The following DCBLD2 variants were observed in gnomAD, a reference collection of about 807,000 sequenced individuals.
DCBLD2 encodes discoidin, CUB and LCCL domain-containing protein 2.
A neutral mutation model predicts 86.8 loss-of-function variants in DCBLD2; 54 were observed. The observed-to-expected ratio is 0.62, with a 90% confidence interval of 0.50 to 0.78. The LOEUF (loss-of-function observed/expected upper bound fraction) is 0.78. DCBLD2 is among the 30% of genes least tolerant of loss of function. The pLI, the probability that DCBLD2 is intolerant of heterozygous loss-of-function variation, is 0.00. For missense variants in DCBLD2, 908 were observed against 954.2 expected, an observed-to-expected ratio of 0.95 and a Z score of 0.64; for synonymous variants, 354 against 341.3, an observed-to-expected ratio of 1.04 and a Z score of -0.41.
rs1422870066 is a variant in DCBLD2, at chr3:98,808,094, G to A, written c.1657C>T (p.His553Tyr). 1.2e-6 allele frequency: 2 copies of A among 1,600,684 alleles called. No individual in the cohort carries two copies. The highest frequency in any genetic ancestry group is 2.3e-5 in the South Asian group (2 of 88,330). The change falls in exon 13 of 16, where the codon CAC (histidine) becomes TAC (tyrosine). Residue 553 changes from histidine (H) to tyrosine (Y), a missense_variant. Physicochemically the swap from His to Tyr is moderately conservative, Grantham distance 83. Coordinates refer to ENST00000326840, the MANE Select transcript of DCBLD2 (RefSeq NM_080927.4). ...TLILILVCAW[H>Y]WRNRKKKTEG... The stretch of plus-strand genomic sequence containing the variant: ...TTATGTACTAACCTGTTTCTCCAGT[G>A]CCAAGCACACACTAATATGAGAATG...
At chr3:98,893,304 A>G (rs964870272) in intron 1 of DCBLD2, among the ~76,000 whole-genome samples, 2 of 152,016 alleles carry the variant, frequency 1.3e-5, no homozygotes, top group African/African-American at 4.8e-5. Context: ...ACTGGATGTC[A>G]AGTTCAACAA....
intron 8 of DCBLD2, 50 bp from the exon 9 acceptor site, chr3:98,817,943 A>G (rs746965579): frequency 6.3e-7 from 1 of 1,596,596 alleles, no homozygotes; most frequent in South Asian, 1.1e-5. Flanking sequence ...TGATTCCCTA[A>G]GTTTGTTCAG....
Position 98,799,177 on chromosome 3 carries a change from G to A in DCBLD2, c.*195C>T, listed in dbSNP as rs1941667896. On this transcript the variant is annotated 3_prime_UTR_variant, in exon 16 of 16. Coordinates refer to ENST00000326840, the MANE Select transcript of DCBLD2 (RefSeq NM_080927.4). ...ACAGGACATTTGAAATTTAACAGGC[G>A]AGCAGTAACTGTGCCACCATAACAC... 1 of 555,108 alleles carries A rather than the reference G, an allele frequency of 1.8e-6. No individual in the cohort carries two copies. Among genetic ancestry groups the A allele is most frequent in the South Asian group, 2.7e-5 (1 of 37,410 alleles). The allele number at this position is 555,108 out of a possible 1,614,324, so 34.4% of individuals were successfully genotyped here.
At chr3:98,889,075 T>C (rs1343204258) in intron 1 of DCBLD2, among the ~76,000 whole-genome samples, 1 of 151,922 alleles carries the variant, frequency 6.6e-6, no homozygotes, top group Non-Finnish European at 1.5e-5. Flanking sequence ...TCACGTCCAA[T>C]ACATTAACTA....
chr3:98,863,930 A>T (rs1943092771), intron 2 of DCBLD2, among the ~76,000 whole-genome samples: 1 of 152,054 alleles, frequency 6.6e-6, no homozygotes, highest in African/African-American at 2.4e-5. Flanking sequence ...AACCTACAGG[A>T]TGGGAGAAAA....
chr3:98,866,172 G>A (rs1438035373), intron 2 of DCBLD2, among the ~76,000 whole-genome samples: 43 of 151,888 alleles, frequency 2.8e-4, no homozygotes, highest in African/African-American at 9.2e-4. Flanking sequence ...ATAAACAGAC[G>A]TGTGCATGTG....
intron 2 of DCBLD2, among the ~76,000 whole-genome samples, chr3:98,864,707 G>T (rs2107503745): frequency 6.6e-6 from 1 of 152,118 alleles, no homozygotes; most frequent in East Asian, 1.9e-4. Context: ...CCTGTTGTGG[G>T]GTGGGTGGAG....
rs1363854635 is a variant in DCBLD2 at position 98,799,735 on chromosome 3, G to T, written c.1965C>A (p.Tyr655Ter). 6.2e-7 allele frequency: 1 copy of T among 1,613,968 alleles called. No homozygotes were observed. Among genetic ancestry groups the T allele is most frequent in the Non-Finnish European group, 8.5e-7 (1 of 1,179,870 alleles). Residue 655 changes from tyrosine (Y) to a stop codon, truncating the protein, a stop_gained, in exon 16 of 16, where the codon TAC (tyrosine) becomes TAA (stop). Transcript: ENST00000326840. LOFTEE classifies it high-confidence loss of function. ...GATAAACTTCCTGCCCTGGTGAGTTGTAAGGATCTAGGTCTGCATAGCCTG... is the reference window on the plus strand; with the variant it reads ...GATAAACTTCCTGCCCTGGTGAGTTTTAAGGATCTAGGTCTGCATAGCCTG... ...KEAGYADLDP[Y>*]NSPGQEVYHA...
In DCBLD2 at chr3:98,817,824, CTG is replaced by C. The variant is rs1489701905; in HGVS notation, c.1155_1156del (p.Tyr385Ter). ...CACAGTCCATTTCTGCCCATCATCA[CTG>C]TACAGGATTCTGTAGGCAGACACAT... On this transcript the variant is annotated stop_gained and frameshift_variant, in exon 9 of 16. Transcript: ENST00000326840. LOFTEE classifies it high-confidence loss of function. 6.2e-7 allele frequency: 1 copy of C among 1,613,666 alleles called. No individual in the cohort carries two copies. The highest frequency in any genetic ancestry group is 8.5e-7 in the Non-Finnish European group (1 of 1,179,772).
intron 4 of DCBLD2, among the ~76,000 whole-genome samples, chr3:98,824,380 G>C (rs1175151691): frequency 8.5e-5 from 13 of 152,096 alleles, no homozygotes; most frequent in African/African-American, 3.1e-4. Flanking sequence ...TCATGGAGCT[G>C]GAGAGTGGCG....
rs745325221 is a variant in DCBLD2, at chr3:98,811,291, T to C, written c.1479A>G (p.Leu493=). The change falls in exon 12 of 16, where the codon CTA becomes CTG. Residue 493 remains leucine, a synonymous_variant. Transcript: ENST00000326840. ...KGRAPKFTQP[L]QPRSSNEFPA... is the part of the protein sequence containing the mutation. ...GAAATTCATTGCTACTGCGAGGTTGTAGTGGTTGCGTAAATTTTGGGGCAC... is the reference window on the plus strand; with the variant it reads ...GAAATTCATTGCTACTGCGAGGTTGCAGTGGTTGCGTAAATTTTGGGGCAC... The C allele has an allele frequency of 1.9e-6, 3 of 1,612,914 alleles. No homozygotes were observed. Among genetic ancestry groups the C allele is most frequent in the South Asian group, 2.2e-5 (2 of 90,840 alleles).
At chr3:98,880,099 C>T (rs1022690785) in intron 2 of DCBLD2, among the ~76,000 whole-genome samples, 4 of 152,180 alleles carry the variant, frequency 2.6e-5, no homozygotes, top group South Asian at 2.1e-4. Context: ...TCATGCAATA[C>T]GCACGTGGTG....
Position 98,799,622 on chromosome 3 carries a change from A to G in DCBLD2, c.2078T>C (p.Val693Ala), listed in dbSNP as rs748884147. ...MDMSGHPTTS[V>A]GQPSTSTFKA... ...GAAAGTGGATGTGGAGGGCTGACCA[A>G]CTGAAGTTGTGGGGTGCCCTGACAT... Residue 693 changes from valine (V) to alanine (A), a missense_variant, in exon 16 of 16, where the codon GTT (valine) becomes GCT (alanine). Coordinates refer to ENST00000326840, the MANE Select transcript of DCBLD2 (RefSeq NM_080927.4). 2.4e-5 allele frequency: 38 copies of G among 1,613,952 alleles called. 1 individual carries two copies. The highest frequency in any genetic ancestry group is 6.7e-5 in the East Asian group (3 of 44,878).
chr3:98,806,085 C>G (rs1177306369), intron 13 of DCBLD2, among the ~76,000 whole-genome samples: 1 of 152,072 alleles, frequency 6.6e-6, no homozygotes, highest in Non-Finnish European at 1.5e-5. Flanking sequence ...ATAGTGCCTG[C>G]TTCGTAGATT....
intron 2 of DCBLD2, among the ~76,000 whole-genome samples, chr3:98,856,355 G>C (rs775171539): frequency 4.0e-5 from 6 of 151,766 alleles, no homozygotes; most frequent in Admixed American, 3.3e-4. Flanking sequence ...AATCTCTCCC[G>C]AACTATGGTC....
chr3:98,874,891 G>A (rs1378187979), intron 2 of DCBLD2, among the ~76,000 whole-genome samples: 1 of 152,130 alleles, frequency 6.6e-6, no homozygotes, highest in Non-Finnish European at 1.5e-5. Context: ...GGGACTTCTA[G>A]CCTCCAAAAC....
chr3:98,881,875 ACCAC>A (rs1261606355), intron 1 of DCBLD2, 108 bp from the exon 2 acceptor site: 1 of 1,056,636 alleles, frequency 9.5e-7, no homozygotes, highest in Non-Finnish European at 1.4e-6. Flanking sequence ...AATATTTTAT[ACCAC>A]CCATACTTTC....
At chr3:98,849,667 T>C (rs1261455081) in intron 2 of DCBLD2, 69 bp from the exon 3 acceptor site, 35 of 1,519,904 alleles carry the variant, frequency 2.3e-5, no homozygotes, top group Non-Finnish European at 2.3e-5. Context: ...GCAATGTAGA[T>C]AACAGAAGCA....
chr3:98,858,281 G>T (rs1291860855), intron 2 of DCBLD2, among the ~76,000 whole-genome samples: 1 of 152,224 alleles, frequency 6.6e-6, no homozygotes, highest in Non-Finnish European at 1.5e-5. Flanking sequence ...GCCGTGTGCA[G>T]CCCCAGTTCC....
Sources: gnomAD v4.1 joint callset for allele counts (sites outside exome capture counted in the v4.1 genomes callset) on GRCh38, gnomAD v4.1.1 for gene constraint, MANE v1.5 for transcripts, NCBI Gene and HGNC (gene_info 2026-07-23, HGNC 2026-07-21) for gene names.